DCBLD2: variants seen among roughly 807,000 people sequenced by gnomAD.
DCBLD2 encodes the protein discoidin, CUB and LCCL domain-containing protein 2.
A neutral mutation model predicts 86.8 loss-of-function variants in DCBLD2; 54 were observed. The ratio of observed to expected loss-of-function variants is 0.62; its 90% CI spans 0.50 to 0.78. The LOEUF (loss-of-function observed/expected upper bound fraction) is 0.78. Among genes scored for constraint, DCBLD2 ranks in the 30% least tolerant of loss-of-function variants. The probability of loss-of-function intolerance (pLI) is 0.00; values close to 1 mark genes in which losing one functional copy is unlikely to be tolerated. For missense variants in DCBLD2, 908 were observed against 954.2 expected, an observed-to-expected ratio of 0.95 and a Z score of 0.64; for synonymous variants, 354 against 341.3, an observed-to-expected ratio of 1.04 and a Z score of -0.41.
chr3:98,889,803 T>C (rs558548462), intron 1 of DCBLD2, among the ~76,000 whole-genome samples: 50 of 152,188 alleles, frequency 3.3e-4, no homozygotes, highest in Non-Finnish European at 6.2e-4. Flanking sequence ...GTGTTTATCT[T>C]ATATTTGCAA....
Position 98,839,175 on chromosome 3 carries a change from T to TTCCTTCCTTC in DCBLD2, c.571+10285_571+10286insGAAGGAAGGA, listed in dbSNP as rs1553727063. On this transcript the variant is annotated intron_variant, in intron 3 of 15. Coordinates refer to ENST00000326840, the MANE Select transcript of DCBLD2 (RefSeq NM_080927.4). The stretch of plus-strand genomic sequence containing the variant: ...TCTTTCTTTCTTTCTTTCTTTCCTT[T>TTCCTTCCTTC]CTTTCTTCCTTCCTTCCTTCCTTCC... 8.8e-4 allele frequency among the ~76,000 whole-genome samples: 89 copies of TTCCTTCCTTC among 101,614 alleles called. 2 individuals are homozygous for TTCCTTCCTTC. The East Asian group carries it at 0.013, about 15-fold the overall frequency. 66.7% of individuals were successfully genotyped at this position (101,614 alleles called of 152,430 possible). A position where few individuals can be genotyped will look rare whatever the true frequency, so the allele number is the denominator to read the frequency against.
At chr3:98,860,987 A>C (rs377646838) in intron 2 of DCBLD2, among the ~76,000 whole-genome samples, 15 of 152,316 alleles carry the variant, frequency 9.8e-5, no homozygotes, top group Admixed American at 4.6e-4. Context: ...CCCATCTCAC[A>C]TGCAGAGACA....
chr3:98,806,215 TTACAC>T (rs1941835921), intron 13 of DCBLD2, among the ~76,000 whole-genome samples: 2 of 152,216 alleles, frequency 1.3e-5, no homozygotes, highest in Admixed American at 1.3e-4. Flanking sequence ...CAAAAGCTTG[TTACAC>T]TATGCATTCC....
chr3:98,801,733 ATG>A, intron 13 of DCBLD2, 84 bp from the exon 14 acceptor site: 1 of 944,864 alleles, frequency 1.1e-6, no homozygotes, highest in Non-Finnish European at 1.6e-6. Context: ...AGGCCTTGGT[ATG>A]TGATATTCCC....
intron 2 of DCBLD2, among the ~76,000 whole-genome samples, chr3:98,859,318 A>C (rs1028123121): frequency 6.6e-6 from 1 of 152,122 alleles, no homozygotes; most frequent in Non-Finnish European, 1.5e-5. Context: ...AGCCAAACAA[A>C]AGTCAGCAAA....
intron 2 of DCBLD2, among the ~76,000 whole-genome samples, chr3:98,870,456 T>C (rs1943238921): frequency 6.6e-6 from 1 of 152,052 alleles, no homozygotes. Context: ...TAGGATTTTC[T>C]TTTCTAATTC....
At chr3:98,833,798 C>A (rs965641609) in intron 3 of DCBLD2, among the ~76,000 whole-genome samples, 3 of 152,220 alleles carry the variant, frequency 2.0e-5, no homozygotes, top group Non-Finnish European at 2.9e-5. Flanking sequence ...GTGAGGGCTG[C>A]AAGGCAGAAA....
Position 98,835,785 on chromosome 3 carries a change from G to A in DCBLD2, c.572-10419C>T, listed in dbSNP as rs1255112434. 2.0e-5 allele frequency among the ~76,000 whole-genome samples: 3 copies of A among 151,628 alleles called. No individual in the cohort carries two copies. In the East Asian group the frequency reaches 5.8e-4, roughly 29 times the overall value. ...GGCTGGTCTCAAGCTCCTGACCTCAGGTGATTCACCTACCTTGGCCTCCCA... is the reference window on the plus strand; with the variant it reads ...GGCTGGTCTCAAGCTCCTGACCTCAAGTGATTCACCTACCTTGGCCTCCCA... On this transcript the variant is annotated intron_variant, in intron 3 of 15. Transcript: ENST00000326840.
Position 98,817,860 on chromosome 3 carries a change from T to C in DCBLD2, c.1121A>G (p.His374Arg). 1 of 1,613,680 alleles carries C rather than the reference T, an allele frequency of 6.2e-7. No homozygotes were observed. Residue 374 changes from histidine to arginine, a missense_variant, in exon 9 of 16, where the codon CAC becomes CGC. His to Arg is a conservative substitution (Grantham distance 29). Coordinates refer to ENST00000326840, the MANE Select transcript of DCBLD2 (RefSeq NM_080927.4). ...IITTGSTMVE[H>R]NYYVSAYRIL... ...TCTGTAGGCAGACACATAGTAATTG[T>C]GCTCCACCATGGTGGATCCAGTGGT...
In DCBLD2 at chr3:98,799,802, A is replaced by G; in HGVS notation, c.1898T>C (p.Leu633Pro). The G allele has an allele frequency of 6.2e-7, 1 of 1,613,694 alleles. No individual in the cohort carries two copies. The highest frequency in any genetic ancestry group is 8.5e-7 in the Non-Finnish European group (1 of 1,179,760). The change falls in exon 16 of 16, where the codon CTT becomes CCT. Residue 633 changes from leucine (L) to proline (P), a missense_variant. Coordinates refer to ENST00000326840, the MANE Select transcript of DCBLD2 (RefSeq NM_080927.4). ...TGGTTTAAAGGTAGATCTTTGATGAAGTGTACCAACAATTCCTCCTACCAG... is the reference window on the plus strand; with the variant it reads ...TGGTTTAAAGGTAGATCTTTGATGAGGTGTACCAACAATTCCTCCTACCAG... ...QPLVGGIVGT[L>P]HQRSTFKPEE...
intron 1 of DCBLD2, chr3:98,900,798 G>C (rs1943833387): frequency 7.6e-6 from 3 of 392,926 alleles, no homozygotes; most frequent in Non-Finnish European, 1.4e-5. Flanking sequence ...TTAACTTTAG[G>C]GGTCATTACC....
chr3:98,896,618 TAA>T (rs1336940876), intron 1 of DCBLD2, among the ~76,000 whole-genome samples: 4 of 152,230 alleles, frequency 2.6e-5, no homozygotes, highest in African/African-American at 9.6e-5. Context: ...TTAAAAATTA[TAA>T]GTCGATGGAT....
chr3:98,859,983 T>G (rs1249429863), intron 2 of DCBLD2, among the ~76,000 whole-genome samples: 2 of 152,144 alleles, frequency 1.3e-5, no homozygotes, highest in African/African-American at 4.8e-5. Context: ...TGAGAAAAGA[T>G]TAGACGAATG....
Position 98,844,034 on chromosome 3 carries a change from G to GCACGCACACACACACACACA in DCBLD2, c.571+5426_571+5427insTGTGTGTGTGTGTGTGCGTG, listed in dbSNP as rs143685510. ...GGATCACCACTTTCCAATCATGCAT[G>GCACGCACACACACACACACA]CACACACACACACACACACACACAC... On this transcript the variant is annotated intron_variant, in intron 3 of 15. Coordinates refer to ENST00000326840, the MANE Select transcript of DCBLD2 (RefSeq NM_080927.4). Among the ~76,000 whole-genome samples, 4 of 145,630 alleles carry GCACGCACACACACACACACA rather than the reference G, an allele frequency of 2.7e-5. No homozygotes were observed. In the East Asian group the frequency reaches 6.3e-4, roughly 23 times the overall value.
intron 12 of DCBLD2, among the ~76,000 whole-genome samples, chr3:98,809,024 T>C (rs565131590): frequency 1.3e-5 from 2 of 152,234 alleles, no homozygotes; most frequent in Admixed American, 1.3e-4. Context: ...AACATTCATA[T>C]ATATATATAT....
intron 9 of DCBLD2, chr3:98,813,078 C>T (rs1288982038): frequency 6.6e-6 from 1 of 152,184 alleles, no homozygotes; most frequent in Non-Finnish European, 1.5e-5. Flanking sequence ...CTTTGAAATG[C>T]TATTTTATGC....
chr3:98,825,639 G>GTGTATA (rs1942201575), intron 3 of DCBLD2, among the ~76,000 whole-genome samples: 1 of 59,426 alleles, frequency 1.7e-5, no homozygotes, highest in African/African-American at 5.0e-5. Context: ...ATGTATATGT[G>GTGTATA]TATTTATATA....
Position 98,808,137 on chromosome 3 carries a change from G to A in DCBLD2, c.1614C>T (p.Val538=). Reference sequence around the variant, plus strand: ...TGAGAATGAGAGTAGTGAGGACCATGACCAGCACAGGGACAAGAACTGCAG... The same window carrying A: ...TGAGAATGAGAGTAGTGAGGACCATAACCAGCACAGGGACAAGAACTGCAG... The part of the protein sequence containing the change: ...ALAAVLVPVL[V]MVLTTLILIL... Residue 538 remains valine (V), a synonymous_variant, in exon 13 of 16, where the codon GTC becomes GTT. Coordinates refer to ENST00000326840, the MANE Select transcript of DCBLD2 (RefSeq NM_080927.4). The A allele has an allele frequency of 6.2e-7, 1 of 1,606,808 alleles. No homozygotes were observed. Among genetic ancestry groups the A allele is most frequent in the Non-Finnish European group, 8.5e-7 (1 of 1,176,720 alleles).
In DCBLD2 at chr3:98,816,819, T is replaced by C. The variant is rs544093789; in HGVS notation, c.1212+950A>G. On this transcript the variant is annotated intron_variant, in intron 9 of 15. Transcript: ENST00000326840. ...CACTTTGAGACAGAGTCTCCCTCTG[T>C]CGCCCAGGCTGGATTGCAGTGGAGT... is the stretch of plus-strand genomic sequence containing the variant. 2.8e-4 allele frequency among the ~76,000 whole-genome samples: 42 copies of C among 152,320 alleles called. 1 individual carries two copies. Among genetic ancestry groups the C allele is most frequent in the South Asian group, 1.7e-3 (8 of 4,830 alleles).
Sources: gnomAD v4.1 joint callset for allele counts (sites outside exome capture counted in the v4.1 genomes callset) on GRCh38, gnomAD v4.1.1 for gene constraint, MANE v1.5 for transcripts, NCBI Gene and HGNC (gene_info 2026-07-23, HGNC 2026-07-21) for gene names.